Variants in KPNA4 observed in about 807,000 individuals in gnomAD.
KPNA4 encodes importin subunit alpha-3.
In KPNA4, 13 loss-of-function variants were observed where a neutral mutation model predicts 71.3. That is an observed-to-expected ratio of 0.18 (90% CI 0.12 to 0.29). The LOEUF (loss-of-function observed/expected upper bound fraction) is 0.29. KPNA4 is among the 10% of genes least tolerant of loss of function. The pLI, the probability that KPNA4 is intolerant of heterozygous loss-of-function variation, is 1.00. For synonymous variants in KPNA4, 189 were observed against 195.2 expected (o/e 0.97, Z 0.26); for missense variants, 334 against 603.2 (o/e 0.55, Z 4.67).
In KPNA4 at chr3:160,515,616, T is replaced by C; in HGVS notation, c.904-36A>G. On this transcript the variant is annotated intron_variant, in intron 11 of 16. Transcript: ENST00000334256. ...CAATGAGATGACATTCTATGTGAAA[T>C]CCTTTTTTTTTTTTTTGAGACAAGG... is the stretch of plus-strand genomic sequence containing the variant. The C allele has an allele frequency of 1.7e-5, 26 of 1,572,296 alleles. No homozygotes were observed. In the South Asian group the frequency reaches 1.7e-4, roughly 11 times the overall value.
rs757483012 is a variant in KPNA4, at chr3:160,525,919, T to C, written c.726+19A>G. ...ATATATAATGGTATCTCTTTTAATTTTTTTTTAAAAGTGTTTACCTCCTGA... is the reference window on the plus strand; with the variant it reads ...ATATATAATGGTATCTCTTTTAATTCTTTTTTAAAAGTGTTTACCTCCTGA... On this transcript the variant is annotated intron_variant, in intron 9 of 16. Coordinates refer to ENST00000334256, the MANE Select transcript of KPNA4 (RefSeq NM_002268.5). 2 of 1,542,176 alleles carry C rather than the reference T, an allele frequency of 1.3e-6. No individual in the cohort carries two copies. The highest frequency in any genetic ancestry group is 1.4e-5 in the African/African-American group (1 of 71,918).
At chr3:160,563,923 G>C (rs1373992599) in intron 1 of KPNA4, among the ~76,000 whole-genome samples, 1 of 151,862 alleles carries the variant, frequency 6.6e-6, no homozygotes, top group African/African-American at 2.4e-5. Context: ...CCACTAAAAC[G>C]CTTGAACTAC....
Position 160,565,553 on chromosome 3 carries a change from G to A in KPNA4, c.-271C>T. ...GACGGAATGTGCTGCCGGCTGAGAG[G>A]GGGAGGCAGCCTCGATCTGAGGGCC... is the stretch of plus-strand genomic sequence containing the variant. On this transcript the variant is annotated 5_prime_UTR_variant, in exon 1 of 17. Coordinates refer to ENST00000334256, the MANE Select transcript of KPNA4 (RefSeq NM_002268.5). 1.9e-6 allele frequency: 1 copy of A among 529,288 alleles called. No homozygotes were observed. The highest frequency in any genetic ancestry group is 3.3e-6 in the Non-Finnish European group (1 of 302,342). 32.8% of individuals were successfully genotyped at this position (529,288 alleles called of 1,614,324 possible).
chr3:160,535,636 AAG>A lies in KPNA4; in HGVS notation c.234+23_234+24del, dbSNP rs767067160. ...CTGTTGAGGACAAGAAATGCAAATG[AAG>A]AGAGGGAAAAAATCCAACTTACTTG... On this transcript the variant is annotated intron_variant, in intron 4 of 16. Coordinates refer to ENST00000334256, the MANE Select transcript of KPNA4 (RefSeq NM_002268.5). 1.4e-5 allele frequency: 22 copies of A among 1,587,234 alleles called. No homozygotes were observed. The South Asian group carries it at 1.7e-4, about 12-fold the overall frequency.
intron 11 of KPNA4, among the ~76,000 whole-genome samples, chr3:160,518,034 T>C (rs192814465): frequency 3.9e-5 from 6 of 152,314 alleles, no homozygotes; most frequent in African/African-American, 1.2e-4. Context: ...TAGAAACCAC[T>C]GTCTAATCTA....
chr3:160,506,085 C>T (rs1387643563), intron 15 of KPNA4, among the ~76,000 whole-genome samples: 5 of 152,250 alleles, frequency 3.3e-5, no homozygotes, highest in African/African-American at 1.2e-4. Context: ...AAAGTCCATC[C>T]ACTGGACTTT....
At chr3:160,518,331 T>C (rs1235668443) in intron 11 of KPNA4, among the ~76,000 whole-genome samples, 1 of 149,990 alleles carries the variant, frequency 6.7e-6, no homozygotes, top group Non-Finnish European at 1.5e-5. Flanking sequence ...GAGACGGGGT[T>C]TCACCGTGTT....
In KPNA4 at chr3:160,501,262, G is replaced by C. The variant is rs533227768; in HGVS notation, c.*842C>G. On this transcript the variant is annotated 3_prime_UTR_variant, in exon 17 of 17. Coordinates refer to ENST00000334256, the MANE Select transcript of KPNA4 (RefSeq NM_002268.5). ...AAGCAACTAAAAAAAGGCATACTAG[G>C]TAAAGTAAATAAAAACTAAAAAAAA... 2.3e-5 allele frequency: 3 copies of C among 133,286 alleles called. No individual in the cohort carries two copies. Among genetic ancestry groups the C allele is most frequent in the Non-Finnish European group, 4.8e-5 (3 of 62,788 alleles). The allele number at this position is 133,286 out of a possible 1,614,324, so 8.3% of individuals were successfully genotyped here.
chr3:160,515,476 T>G lies in KPNA4; in HGVS notation c.1008A>C (p.Thr336=). 1 of 1,613,834 alleles carries G rather than the reference T, an allele frequency of 6.2e-7. No homozygotes were observed. Among genetic ancestry groups the G allele is most frequent in the Non-Finnish European group, 8.5e-7 (1 of 1,179,724 alleles). Residue 336 remains threonine, a synonymous_variant, in exon 12 of 17, where the codon ACA becomes ACC. Transcript: ENST00000334256. The part of the protein sequence containing the change: ...DALSHFPALL[T]HPKEKINKEA... Reference sequence around the variant, plus strand: ...CTTTATTAATTTTCTCTTTGGGATGTGTCAGGAGTGCTGGGAAGTGTGAAA... The same window carrying G: ...CTTTATTAATTTTCTCTTTGGGATGGGTCAGGAGTGCTGGGAAGTGTGAAA...
chr3:160,527,522 A>T (rs1236538588), intron 8 of KPNA4, among the ~76,000 whole-genome samples: 2 of 152,288 alleles, frequency 1.3e-5, no homozygotes, highest in Non-Finnish European at 2.9e-5. Flanking sequence ...AAAAAATTTC[A>T]TTTTAGACTC....
intron 10 of KPNA4, 119 bp from the exon 11 acceptor site, chr3:160,522,029 T>C (rs901749147): frequency 1.3e-6 from 1 of 799,346 alleles, no homozygotes; most frequent in Non-Finnish European, 2.0e-6. Context: ...CTTCTCTCAG[T>C]TTAATTCATT....
chr3:160,511,259 CCAT>C (rs1233169813), intron 13 of KPNA4, among the ~76,000 whole-genome samples: 32 of 152,030 alleles, frequency 2.1e-4, no homozygotes, highest in Admixed American at 6.6e-5. Context: ...GCGCCCACCA[CCAT>C]GCCTGGCTAA....
chr3:160,539,638 GAAATCAATAAGCAATTCTAGTAACAA>G (rs1721756932), intron 1 of KPNA4, among the ~76,000 whole-genome samples: 1 of 152,166 alleles, frequency 6.6e-6, no homozygotes, highest in Non-Finnish European at 1.5e-5. Flanking sequence ...ATCACAATAT[GAAATCAATAAGCAATTCTAGTAACAA>G]AAAACTATGA....
In KPNA4 at chr3:160,540,069, G is replaced by A. The variant is rs528636326; in HGVS notation, c.70-3229C>T. Among the ~76,000 whole-genome samples the A allele has an allele frequency of 1.3e-3, 190 of 146,154 alleles. 1 individual carries two copies. The highest frequency in any genetic ancestry group is 4.6e-3 in the African/African-American group (184 of 39,614). On this transcript the variant is annotated intron_variant, in intron 1 of 16. Transcript: ENST00000334256. ...GGCTGGAGTACAGTAACGGGATCTC[G>A]GCTCACTGCAACCTCCGCCTCCTGG...
In KPNA4 at chr3:160,509,881, G is replaced by A. The variant is rs1313227741; in HGVS notation, c.1138-10C>T. On this transcript the variant is annotated splice_polypyrimidine_tract_variant and intron_variant, in intron 13 of 16. Coordinates refer to ENST00000334256, the MANE Select transcript of KPNA4 (RefSeq NM_002268.5). ...GAGTGCCAAAATCCCCCTGTAAAAA[G>A]GCAAAACAAAGGCTATAAAAATTGC... 3 of 1,604,016 alleles carry A rather than the reference G, an allele frequency of 1.9e-6. No individual in the cohort carries two copies. Among genetic ancestry groups the A allele is most frequent in the Non-Finnish European group, 2.6e-6 (3 of 1,171,842 alleles).
intron 1 of KPNA4, among the ~76,000 whole-genome samples, chr3:160,556,630 A>G (rs1215711948): frequency 1.3e-5 from 2 of 152,206 alleles, no homozygotes; most frequent in African/African-American, 4.8e-5. Context: ...TCCCTAATCC[A>G]AAATCTGGTA....
At position 160,535,641 on chromosome 3, in the gene KPNA4, A is replaced by C. The variant is rs771292126; in HGVS notation, c.234+20T>G. The stretch of plus-strand genomic sequence containing the variant: ...GAGGACAAGAAATGCAAATGAAGAG[A>C]GGGAAAAAATCCAACTTACTTGAAC... On this transcript the variant is annotated intron_variant, in intron 4 of 16. Transcript: ENST00000334256. The C allele has an allele frequency of 1.9e-6, 3 of 1,586,944 alleles. No individual in the cohort carries two copies. The South Asian group carries it at 3.5e-5, about 19-fold the overall frequency.
intron 16 of KPNA4, 91 bp from the exon 17 acceptor site, chr3:160,502,293 AG>A (rs1019770813): frequency 6.2e-6 from 3 of 487,014 alleles, no homozygotes; most frequent in African/African-American, 6.0e-5. Flanking sequence ...CCTTAAAAAA[AG>A]GTCTGGAGAG....
chr3:160,536,167 G>A (rs371084515), intron 2 of KPNA4, among the ~76,000 whole-genome samples: 1 of 151,866 alleles, frequency 6.6e-6, no homozygotes, highest in Non-Finnish European at 1.5e-5. Flanking sequence ...AAAAACAAAA[G>A]TTTGACTAAA....
Sources: gnomAD v4.1 joint callset for allele counts (sites outside exome capture counted in the v4.1 genomes callset) on GRCh38, gnomAD v4.1.1 for gene constraint, MANE v1.5 for transcripts, NCBI Gene and HGNC (gene_info 2026-07-23, HGNC 2026-07-21) for gene names.